Variants in SYNDIG1 observed in about 807,000 individuals in gnomAD.
The protein encoded by SYNDIG1 is synapse differentiation inducing 1, also known as synapse differentiation-inducing gene protein 1.
A neutral mutation model predicts 19.4 loss-of-function variants in SYNDIG1; 9 were observed. That is an observed-to-expected ratio of 0.46 (90% CI 0.28 to 0.81). The LOEUF (loss-of-function observed/expected upper bound fraction) is 0.81, where lower values mean the gene tolerates loss of function less well. Ranked by LOEUF, SYNDIG1 falls within the 30% of genes least tolerant of loss-of-function variation. SYNDIG1 has a pLI of 0.12. For synonymous variants in SYNDIG1, 141 were observed against 145.9 expected (o/e 0.97, Z 0.24); for missense variants, 311 against 343.3 (o/e 0.91, Z 0.74).
rs1408018575 is a variant in SYNDIG1 at position 24,658,887 on chromosome 20, T to C, written c.619-6459T>C. Among the ~76,000 whole-genome samples, 1 of 152,178 alleles carries C rather than the reference T, an allele frequency of 6.6e-6. No homozygotes were observed. The highest frequency in any genetic ancestry group is 1.9e-4 in the East Asian group (1 of 5,190). ...AAATTAAATAATATTAAAATTCGGT[T>C]CTGCAGTCACATGAGCCATGCCCCA... On this transcript the variant is annotated intron_variant, in intron 3 of 3. Coordinates refer to ENST00000376862, the MANE Select transcript of SYNDIG1 (RefSeq NM_024893.3). This position sits in a 1 kb window ranked among gnomAD's most constrained non-coding sequence, Gnocchi z 4.4.
At chr20:24,587,842 T>C (rs142168713) in intron 3 of SYNDIG1, among the ~76,000 whole-genome samples, 3,343 of 152,318 alleles carry the variant, frequency 0.022, 54 homozygotes, top group Middle Eastern at 0.037. Context: ...AAGTGTGACT[T>C]TGGGTTTTTT....
chr20:24,532,556 CA>C (rs1429296268), intron 1 of SYNDIG1, among the ~76,000 whole-genome samples: 2 of 151,974 alleles, frequency 1.3e-5, no homozygotes, highest in African/African-American at 4.9e-5. Flanking sequence ...TACTAAATCT[CA>C]CTCAATTATA....
chr20:24,530,846 T>C (rs2057243497), intron 1 of SYNDIG1, among the ~76,000 whole-genome samples: 2 of 151,582 alleles, frequency 1.3e-5, no homozygotes, highest in South Asian at 4.2e-4. Flanking sequence ...TCTTGTTCTG[T>C]CGCCCAGGCT....
intron 1 of SYNDIG1, among the ~76,000 whole-genome samples, chr20:24,519,300 A>G (rs2056954168): frequency 6.6e-6 from 1 of 152,354 alleles, no homozygotes; most frequent in African/African-American, 2.4e-5. Context: ...CTGTGCTTCC[A>G]TATTGAAGAA....
chr20:24,596,856 C>G (rs1009826470), intron 3 of SYNDIG1: 6 of 152,250 alleles, frequency 3.9e-5, no homozygotes, highest in African/African-American at 1.4e-4. Flanking sequence ...CATTGGCCGT[C>G]GACTGGACAC....
Position 24,508,218 on chromosome 20 carries a change from A to ATTTTTTTTTT in SYNDIG1, c.-78-34783_-78-34774dup, listed in dbSNP as rs34436263. Among the ~76,000 whole-genome samples, 34 of 73,238 alleles carry ATTTTTTTTTT rather than the reference A, an allele frequency of 4.6e-4. 5 individuals are homozygous for ATTTTTTTTTT. Among genetic ancestry groups the ATTTTTTTTTT allele is most frequent in the African/African-American group, 1.2e-3 (20 of 16,528 alleles). The allele number at this position is 73,238 out of a possible 152,430, so 48.0% of individuals were successfully genotyped here. ...TGGAAAATTAAAATTAAGGAGGATAATTTTTTTTTTTTTTTTTTTTTTTTT... is the reference window on the plus strand; with the variant it reads ...TGGAAAATTAAAATTAAGGAGGATAATTTTTTTTTTTTTTTTTTTTTTTTTTTTTTTTTTT... On this transcript the variant is annotated intron_variant, in intron 1 of 3. Transcript: ENST00000376862.
At chr20:24,605,336 G>A (rs531316688) in intron 3 of SYNDIG1, among the ~76,000 whole-genome samples, 10 of 152,288 alleles carry the variant, frequency 6.6e-5, no homozygotes, top group Admixed American at 5.2e-4. Flanking sequence ...CTAGAGGAAC[G>A]GCTCCAATAT....
intron 3 of SYNDIG1, among the ~76,000 whole-genome samples, chr20:24,593,727 C>G (rs963239283): frequency 6.6e-6 from 1 of 152,010 alleles, no homozygotes; most frequent in African/African-American, 2.4e-5. Flanking sequence ...TAATAATAGC[C>G]ATTTTGACTG....
intron 1 of SYNDIG1, among the ~76,000 whole-genome samples, chr20:24,522,302 G>T (rs922507869): frequency 6.6e-6 from 1 of 152,066 alleles, no homozygotes; most frequent in African/African-American, 2.4e-5. Context: ...TGTTGCACAG[G>T]CTGGTCTCCA....
intron 2 of SYNDIG1, among the ~76,000 whole-genome samples, chr20:24,550,652 G>A (rs1200600013): frequency 6.6e-6 from 1 of 152,048 alleles, no homozygotes; most frequent in East Asian, 1.9e-4. Flanking sequence ...GGGACTACAG[G>A]CGCCCGCCAC....
intron 1 of SYNDIG1, among the ~76,000 whole-genome samples, chr20:24,494,041 C>T (rs192137496): frequency 3.3e-5 from 5 of 152,290 alleles, no homozygotes; most frequent in South Asian, 2.1e-4. Context: ...GGTTGCATCC[C>T]GGCCACACCC....
chr20:24,484,800 G>A (rs2055910470), intron 1 of SYNDIG1, among the ~76,000 whole-genome samples: 1 of 152,184 alleles, frequency 6.6e-6, no homozygotes, highest in African/African-American at 2.4e-5. Flanking sequence ...GGATTTTCTA[G>A]AGTGCTATGG....
intron 1 of SYNDIG1, among the ~76,000 whole-genome samples, chr20:24,503,162 T>G (rs1325094094): frequency 3.3e-5 from 5 of 152,186 alleles, no homozygotes; most frequent in Non-Finnish European, 7.3e-5. Flanking sequence ...CTGTTGCTCC[T>G]TCCTGAGGAC....
chr20:24,508,026 C>T (rs952669887), intron 1 of SYNDIG1, among the ~76,000 whole-genome samples: 3 of 151,780 alleles, frequency 2.0e-5, no homozygotes, highest in Admixed American at 6.6e-5. Context: ...GGCCAAACTA[C>T]GAAGAAGTGT....
intron 3 of SYNDIG1, among the ~76,000 whole-genome samples, chr20:24,655,086 G>T (rs1011298997): frequency 1.3e-5 from 2 of 152,170 alleles, no homozygotes; most frequent in Admixed American, 6.5e-5. Flanking sequence ...AAACTGTAAC[G>T]TCAAAGGGAA....
intron 3 of SYNDIG1, among the ~76,000 whole-genome samples, chr20:24,620,284 A>G (rs2059018134): frequency 2.0e-5 from 3 of 152,336 alleles, no homozygotes; most frequent in South Asian, 4.1e-4. Context: ...AAGAAGCAGC[A>G]TGAGGATGGT....
At chr20:24,482,331 A>T (rs2055822346) in intron 1 of SYNDIG1, among the ~76,000 whole-genome samples, 1 of 152,086 alleles carries the variant, frequency 6.6e-6, no homozygotes, top group Admixed American at 6.5e-5. Context: ...AGCCTCCCAA[A>T]GTGCTGGGAT....
At chr20:24,575,273 C>T (rs2058209772) in intron 2 of SYNDIG1, among the ~76,000 whole-genome samples, 3 of 152,166 alleles carry the variant, frequency 2.0e-5, no homozygotes, top group African/African-American at 7.2e-5. Flanking sequence ...ACCTAAAGCA[C>T]CCATCCCAAA....
chr20:24,584,779 C>A, intron 2 of SYNDIG1, 77 bp from the exon 3 acceptor site: 3 of 1,602,490 alleles, frequency 1.9e-6, no homozygotes, highest in Non-Finnish European at 2.6e-6. Context: ...AGGGGTCATC[C>A]CACATCCCTG....
Sources: allele counts gnomAD v4.1 joint callset (sites outside exome capture counted in the v4.1 genomes callset), GRCh38; gene constraint gnomAD v4.1.1; non-coding constraint Gnocchi (gnomAD v3.1); transcripts MANE v1.5; gene names NCBI Gene and HGNC (gene_info 2026-07-23, HGNC 2026-07-21).